NRXN1: variants seen among roughly 807,000 people sequenced by gnomAD.
The protein encoded by NRXN1 is neurexin-1.
A neutral mutation model predicts 150.9 loss-of-function variants in NRXN1; 39 were observed. That is an observed-to-expected ratio of 0.26 (90% confidence interval 0.20 to 0.34). The LOEUF (loss-of-function observed/expected upper bound fraction) is 0.34. Among genes scored for constraint, NRXN1 ranks in the 10% least tolerant of loss-of-function variants. NRXN1 has a pLI of 1.00. For synonymous variants in NRXN1, 924 were observed against 757.0 expected (o/e 1.22, Z -3.62); for missense variants, 1,815 against 1,949.9 (o/e 0.93, Z 1.30).
intron 5 of NRXN1, among the ~76,000 whole-genome samples, chr2:50,898,097 T>C (rs536796316): frequency 6.6e-6 from 1 of 152,264 alleles, no homozygotes; most frequent in African/African-American, 2.4e-5. Flanking sequence ...GAAATTTTGT[T>C]AAGCTTGAAG....
At chr2:50,834,977 A>C (rs187709656) in intron 5 of NRXN1, among the ~76,000 whole-genome samples, 19 of 152,230 alleles carry the variant, frequency 1.2e-4, no homozygotes, top group Non-Finnish European at 4.4e-5. Context: ...CAGAGACCAG[A>C]CTATTAGATT....
intron 17 of NRXN1, among the ~76,000 whole-genome samples, chr2:50,330,617 CAGCTT>C (rs1231722945): frequency 6.6e-6 from 1 of 152,140 alleles, no homozygotes; most frequent in African/African-American, 2.4e-5. Context: ...TTTAAACTGT[CAGCTT>C]AATGGTGCAC....
intron 5 of NRXN1, chr2:50,829,611 T>C: frequency 6.2e-7 from 1 of 1,611,972 alleles, no homozygotes; most frequent in African/African-American, 1.3e-5. Flanking sequence ...CCTTGAATAT[T>C]TCACTTTACT....
chr2:50,380,273 CAT>C (rs945270543), intron 17 of NRXN1, among the ~76,000 whole-genome samples: 11 of 143,274 alleles, frequency 7.7e-5, no homozygotes, highest in Non-Finnish European at 1.3e-4. Context: ...GAAATGACCA[CAT>C]ATGTGTGTGT....
chr2:50,914,923 C>T (rs1385832611), intron 5 of NRXN1, among the ~76,000 whole-genome samples: 1 of 151,446 alleles, frequency 6.6e-6, no homozygotes, highest in East Asian at 1.9e-4. Flanking sequence ...CACATCAGGG[C>T]AGGGTAGAGA....
At chr2:50,759,826 C>CTG (rs72209781) in intron 5 of NRXN1, among the ~76,000 whole-genome samples, 4,587 of 142,272 alleles carry the variant, frequency 0.032, 92 homozygotes, top group African/African-American at 0.05. Flanking sequence ...TCTAACTAAG[C>CTG]TGTGTGTGTG....
chr2:50,163,164 G>GTGTATATA (rs148512568), intron 18 of NRXN1, among the ~76,000 whole-genome samples: 17 of 141,762 alleles, frequency 1.2e-4, no homozygotes, highest in African/African-American at 4.1e-4. Flanking sequence ...AATCCAAAAT[G>GTGTATATA]TATATATATA....
intron 19 of NRXN1, among the ~76,000 whole-genome samples, chr2:50,069,385 T>A (rs1435073519): frequency 6.6e-6 from 1 of 152,200 alleles, no homozygotes; most frequent in Non-Finnish European, 1.5e-5. Context: ...AGGTATCAGA[T>A]GGTGTTGTTG....
intron 5 of NRXN1, among the ~76,000 whole-genome samples, chr2:50,908,488 T>C (rs1275999098): frequency 6.6e-6 from 1 of 152,038 alleles, no homozygotes; most frequent in African/African-American, 2.4e-5. Flanking sequence ...TACCCAGGGA[T>C]AGTATAATTA....
intron 2 of NRXN1, among the ~76,000 whole-genome samples, chr2:50,956,993 T>C (rs933521095): frequency 5.9e-5 from 9 of 152,118 alleles, no homozygotes; most frequent in Admixed American, 5.2e-4. Context: ...TATCCATTAA[T>C]ATGAAGCAAT....
intron 17 of NRXN1, among the ~76,000 whole-genome samples, chr2:50,267,425 C>G (rs927340410): frequency 6.6e-6 from 1 of 152,086 alleles, no homozygotes; most frequent in Non-Finnish European, 1.5e-5. Context: ...TAAGAAAGAA[C>G]TATTCATTTC....
chr2:50,690,018 G>A (rs1691846395), intron 5 of NRXN1, among the ~76,000 whole-genome samples: 1 of 151,704 alleles, frequency 6.6e-6, no homozygotes, highest in Non-Finnish European at 1.5e-5. Flanking sequence ...CTGGGAGTAG[G>A]TGGGATTACA....
chr2:50,532,482 T>G (rs562731572), intron 10 of NRXN1, among the ~76,000 whole-genome samples: 1 of 152,220 alleles, frequency 6.6e-6, no homozygotes, highest in African/African-American at 2.4e-5. Context: ...TGAGCCATTA[T>G]GTTTAGCAAG....
intron 2 of NRXN1, among the ~76,000 whole-genome samples, chr2:50,970,699 A>G (rs1481739591): frequency 6.6e-6 from 1 of 152,124 alleles, no homozygotes; most frequent in Non-Finnish European, 1.5e-5. Flanking sequence ...CTACTCTTAC[A>G]GATTTTGAAA....
In NRXN1 at chr2:51,028,068, T is replaced by A. The variant is rs1437415608; in HGVS notation, c.206A>T (p.Tyr69Phe). 1 of 1,596,592 alleles carries A rather than the reference T, an allele frequency of 6.3e-7. No homozygotes were observed. Among genetic ancestry groups the A allele is most frequent in the South Asian group, 1.1e-5 (1 of 90,374 alleles). Residue 69 changes from tyrosine (Y) to phenylalanine (F), a missense_variant, in exon 2 of 23, where the codon TAC becomes TTC. Around this residue, in one of 6 missense-constraint regions of NRXN1, gnomAD observed 554 missense variants for 478.8 expected, o/e 1.16. Coordinates refer to ENST00000401669, the MANE Select transcript of NRXN1 (RefSeq NM_001330078.2). The stretch of plus-strand genomic sequence containing the variant: ...GTCGCAGAAGCCCTCGTCGTCGAAG[T>A]AGAGCACGAGGCCGCGGGCGCTGCG... ...KTRSARGLVL[Y>F]FDDEGFCDFL...
At chr2:50,543,350 G>C (rs1399881846) in intron 9 of NRXN1, among the ~76,000 whole-genome samples, 1 of 151,964 alleles carries the variant, frequency 6.6e-6, no homozygotes, top group African/African-American at 2.4e-5. Context: ...CTAGATCAGG[G>C]TTTCATGCTT....
At chr2:50,259,780 T>C (rs925454664) in intron 17 of NRXN1, among the ~76,000 whole-genome samples, 4 of 151,940 alleles carry the variant, frequency 2.6e-5, no homozygotes, top group African/African-American at 9.7e-5. Flanking sequence ...GGTTTCACTA[T>C]ACTATATTGT....
intron 18 of NRXN1, among the ~76,000 whole-genome samples, chr2:50,100,741 T>A (rs2152709688): frequency 6.6e-6 from 1 of 152,200 alleles, no homozygotes; most frequent in Admixed American, 6.5e-5. Flanking sequence ...ATCAGAGTCA[T>A]CTCATTGAGA....
intron 17 of NRXN1, among the ~76,000 whole-genome samples, chr2:50,383,654 T>C (rs543514159): frequency 1.3e-5 from 2 of 152,234 alleles, no homozygotes; most frequent in African/African-American, 4.8e-5. Context: ...AAAAGAAAAC[T>C]AGGTTAAGAG....
Sources: allele counts gnomAD v4.1 joint callset (sites outside exome capture counted in the v4.1 genomes callset), GRCh38; gene constraint gnomAD v4.1.1; regional missense constraint gnomAD v4.1.1; transcripts MANE v1.5; gene names NCBI Gene and HGNC (gene_info 2026-07-23, HGNC 2026-07-21).